Variants in RYR2 observed in about 807,000 individuals in gnomAD.
RYR2 encodes cardiac muscle ryanodine receptor-calcium release channel.
In RYR2, 227 loss-of-function variants were observed where a neutral mutation model predicts 601.1. The observed-to-expected ratio is 0.38, with a 90% confidence interval of 0.34 to 0.42. The LOEUF is 0.42. RYR2 is among the 10% of genes least tolerant of loss of function. RYR2 has a pLI of 1.00. For missense variants in RYR2, 4,646 were observed against 6,156.5 expected (o/e 0.75, Z 8.21); for synonymous variants, 2,223 against 2,175.1 (o/e 1.02, Z -0.61).
intron 1 of RYR2, among the ~76,000 whole-genome samples, chr1:237,086,159 A>T (rs1385176742): frequency 6.6e-6 from 1 of 152,230 alleles, no homozygotes; most frequent in Non-Finnish European, 1.5e-5. Context: ...AACAACAGAC[A>T]TTTATTTCCT....
chr1:237,551,023 T>TG (rs1208279449), intron 27 of RYR2, among the ~76,000 whole-genome samples: 1 of 151,946 alleles, frequency 6.6e-6, no homozygotes, highest in Non-Finnish European at 1.5e-5. Flanking sequence ...TTTGCTGATT[T>TG]GGGGAATAAG....
At chr1:237,623,209 A>G (rs1679250346) in intron 38 of RYR2, among the ~76,000 whole-genome samples, 1 of 152,146 alleles carries the variant, frequency 6.6e-6, no homozygotes, top group African/African-American at 2.4e-5. Context: ...GAAACGTTAT[A>G]TGACTATTTT....
Position 237,792,265 on chromosome 1 carries a change from T to C in RYR2, c.13724T>C (p.Leu4575Ser). ...TACATGGAGCCCACGTTGCGTATCT[T>C]AGCTATTCTGCACACGGTCATTTCT... ...SGYMEPTLRI[L>S]AILHTVISFF... Residue 4575 changes from leucine to serine, a missense_variant, in exon 94 of 105, where the codon TTA (leucine) becomes TCA (serine). Physicochemically the swap from Leu to Ser is moderately radical, Grantham distance 145. Around this residue, in one of 17 missense-constraint regions of RYR2, gnomAD observed 364 missense variants for 442.9 expected, o/e 0.82. Transcript: ENST00000366574. 6.2e-7 allele frequency: 1 copy of C among 1,613,824 alleles called. No homozygotes were observed. Among genetic ancestry groups the C allele is most frequent in the South Asian group, 1.1e-5 (1 of 91,076 alleles).
chr1:237,098,422 T>TGC (rs945143013), intron 1 of RYR2, among the ~76,000 whole-genome samples: 32 of 149,964 alleles, frequency 2.1e-4, no homozygotes, highest in East Asian at 1.2e-3. Flanking sequence ...TGTGTGTGTG[T>TGC]GGTGAGACAC....
intron 24 of RYR2, among the ~76,000 whole-genome samples, chr1:237,524,541 A>G (rs910238393): frequency 1.6e-4 from 24 of 152,168 alleles, no homozygotes; most frequent in African/African-American, 5.8e-4. Flanking sequence ...TACATTTTCT[A>G]CCTGATGACT....
intron 84 of RYR2, among the ~76,000 whole-genome samples, chr1:237,764,444 T>G (rs151185058): frequency 0.01 from 1,511 of 145,956 alleles, 16 homozygotes; most frequent in Non-Finnish European, 0.015. Context: ...CTTGACTTAC[T>G]GTTTGTTTAT....
chr1:237,671,606 A>G (rs1684949601), intron 58 of RYR2, among the ~76,000 whole-genome samples: 1 of 151,976 alleles, frequency 6.6e-6, no homozygotes, highest in African/African-American at 2.4e-5. Context: ...CCAAAGCTGC[A>G]CAGTTTTGTT....
intron 8 of RYR2, among the ~76,000 whole-genome samples, chr1:237,382,504 C>G (rs914541271): frequency 6.7e-6 from 1 of 149,280 alleles, no homozygotes; most frequent in Non-Finnish European, 1.5e-5. Context: ...TTACGTATAT[C>G]TCCTAATGTT....
chr1:237,566,889 A>C, intron 28 of RYR2, 114 bp downstream of exon 28: 1 of 1,068,658 alleles, frequency 9.4e-7, no homozygotes. Context: ...AAACGTGGAA[A>C]AATATTTCAC....
At chr1:237,825,018 CACAA>C (rs1213310725) in intron 101 of RYR2, among the ~76,000 whole-genome samples, 1 of 152,132 alleles carries the variant, frequency 6.6e-6, no homozygotes. Context: ...TAAGAGAGAA[CACAA>C]ACAAATGGAA....
At chr1:237,832,426 A>AATTAATTAATT (rs1558506605) in intron 104 of RYR2, 126 bp from the exon 105 acceptor site, 1 of 539,084 alleles carries the variant, frequency 1.9e-6, no homozygotes, top group Non-Finnish European at 3.3e-6. Context: ...GTTAGTTAGG[A>AATTAATTAATT]ACCATCTAAA....
chr1:237,230,927 CAA>C (rs34596432), intron 1 of RYR2, among the ~76,000 whole-genome samples: 4 of 105,832 alleles, frequency 3.8e-5, no homozygotes, highest in South Asian at 3.3e-4. Flanking sequence ...AGACTCGTCT[CAA>C]AAAAAAAAAA....
Position 237,781,642 on chromosome 1 carries a change from A to AC in RYR2, c.11958_11959insC (p.Glu3987ArgfsTer3). 6.4e-7 allele frequency: 1 copy of AC among 1,551,848 alleles called. No individual in the cohort carries two copies. The highest frequency in any genetic ancestry group is 8.8e-7 in the Non-Finnish European group (1 of 1,132,364). On this transcript the variant is annotated frameshift_variant, in exon 89 of 105. Transcript: ENST00000366574. LOFTEE classifies it high-confidence loss of function. The stretch of plus-strand genomic sequence containing the variant: ...TGGTGGTCATGTTGCTGTCCATGTT[A>AC]GAAGGTAGTTTTGATTTATACTTTT...
Position 237,488,286 on chromosome 1 carries a change from A to G in RYR2, c.1709-3520A>G, listed in dbSNP as rs565745156. 2.6e-5 allele frequency among the ~76,000 whole-genome samples: 4 copies of G among 152,346 alleles called. No individual in the cohort carries two copies. The South Asian group carries it at 6.2e-4, about 24-fold the overall frequency. On this transcript the variant is annotated intron_variant, in intron 17 of 104. Transcript: ENST00000366574. The stretch of plus-strand genomic sequence containing the variant: ...CAAAATATCACAAACTGGGTGATTT[A>G]TAAACAACAGAAATGTATTTCTCAC...
intron 11 of RYR2, among the ~76,000 whole-genome samples, chr1:237,418,827 CTT>C (rs1475179491): frequency 6.6e-6 from 1 of 151,872 alleles, no homozygotes; most frequent in African/African-American, 2.4e-5. Context: ...CATTAAATGT[CTT>C]TGATATAAAT....
rs950984371 is a variant in RYR2, at chr1:237,684,928, T to TAG, written c.9018-2521_9018-2520dup. Among the ~76,000 whole-genome samples the TAG allele has an allele frequency of 6.3e-4, 24 of 38,198 alleles. No individual in the cohort carries two copies. In the East Asian group the frequency reaches 0.016, roughly 26 times the overall value. The allele number at this position is 38,198 out of a possible 152,430, so 25.1% of individuals were successfully genotyped here. ...TTGAAGAACATCAAGAATGGTTAAT[T>TAG]AGAGAGAAAAAAAAAAATACTGTAA... is the stretch of plus-strand genomic sequence containing the variant. On this transcript the variant is annotated intron_variant, in intron 62 of 104. Coordinates refer to ENST00000366574, the MANE Select transcript of RYR2 (RefSeq NM_001035.3).
In RYR2 at chr1:237,456,589, TAA is replaced by T; in HGVS notation, c.1477-10_1477-9del. 6.8e-7 allele frequency: 1 copy of T among 1,472,104 alleles called. No homozygotes were observed. The highest frequency in any genetic ancestry group is 1.5e-5 in the African/African-American group (1 of 68,918). The allele number at this position is 1,472,104 out of a possible 1,614,324, so 91.2% of individuals were successfully genotyped here. A position where few individuals can be genotyped will look rare whatever the true frequency, so the allele number is the denominator to read the frequency against. ...GTCTGATTGTGATTTTTTTTTTTTT[TAA>T]CGTTCCAGGGAATGATCAACCTCGT... On this transcript the variant is annotated splice_polypyrimidine_tract_variant and intron_variant, in intron 15 of 104. Coordinates refer to ENST00000366574, the MANE Select transcript of RYR2 (RefSeq NM_001035.3).
rs1930308 is a variant in RYR2 at position 237,530,739 on chromosome 1, G to A, written c.2906+229G>A. Among the ~76,000 whole-genome samples, 37,984 of 151,864 alleles carry A rather than the reference G, an allele frequency of 0.25. 5,074 individuals carry two copies. Among genetic ancestry groups the A allele is most frequent in the South Asian group, 0.35 (1,682 of 4,794 alleles). On this transcript the variant is annotated intron_variant, in intron 25 of 104. Transcript: ENST00000366574. ...AGCCTGGCCAACATGGTGAAACCCT[G>A]TCTCCATTAAAAATACAAAAATTAG...
chr1:237,537,065 A>G (rs926524545), intron 25 of RYR2, among the ~76,000 whole-genome samples: 12 of 152,220 alleles, frequency 7.9e-5, no homozygotes, highest in East Asian at 5.8e-4. Flanking sequence ...TAAAATCACA[A>G]TGAAAAGCTA....
Sources: gnomAD v4.1 joint callset for allele counts (sites outside exome capture counted in the v4.1 genomes callset) on GRCh38, gnomAD v4.1.1 for gene constraint, gnomAD v4.1.1 regional missense constraint, MANE v1.5 for transcripts, NCBI Gene and HGNC (gene_info 2026-07-23, HGNC 2026-07-21) for gene names.